MVB12B: variants seen among roughly 807,000 people sequenced by gnomAD.
MVB12B encodes the protein ESCRT-I complex subunit MVB12B.
In MVB12B, 16 loss-of-function variants were observed where a neutral mutation model predicts 41.6. The observed-to-expected ratio is 0.38, with a 90% CI of 0.26 to 0.58. The LOEUF is 0.58. Among genes scored for constraint, MVB12B ranks in the 20% least tolerant of loss-of-function variants. The pLI is 0.62. For synonymous variants in MVB12B, 133 were observed against 139.7 expected (o/e 0.95, Z 0.34); for missense variants, 274 against 380.2 (o/e 0.72, Z 2.32).
At chr9:126,409,043 C>T (rs1417844604) in intron 6 of MVB12B, among the ~76,000 whole-genome samples, 1 of 152,094 alleles carries the variant, frequency 6.6e-6, no homozygotes, top group Admixed American at 6.6e-5. Context: ...GGGACTGTTC[C>T]TTGAGCTTTG....
intron 7 of MVB12B, among the ~76,000 whole-genome samples, chr9:126,430,037 G>A (rs995947820): frequency 1.2e-4 from 18 of 152,158 alleles, no homozygotes; most frequent in African/African-American, 2.9e-4. Context: ...CCGTGGGCCC[G>A]GGCCTTCTGG....
chr9:126,375,697 A>C (rs1830464166), intron 2 of MVB12B, among the ~76,000 whole-genome samples: 1 of 152,130 alleles, frequency 6.6e-6, no homozygotes, highest in Non-Finnish European at 1.5e-5. Flanking sequence ...CCTGGGAGAT[A>C]AACTTTTTAA....
chr9:126,493,111 C>T (rs1403450326), intron 9 of MVB12B, among the ~76,000 whole-genome samples: 2 of 152,060 alleles, frequency 1.3e-5, no homozygotes, highest in African/African-American at 2.4e-5. Flanking sequence ...TCAAAATGTT[C>T]GTGGGCAATT....
intron 7 of MVB12B, among the ~76,000 whole-genome samples, chr9:126,454,994 G>A (rs1425039920): frequency 6.6e-6 from 1 of 151,994 alleles, no homozygotes; most frequent in Non-Finnish European, 1.5e-5. Flanking sequence ...GAGCGAGCAT[G>A]CACCATGATG....
intron 2 of MVB12B, among the ~76,000 whole-genome samples, chr9:126,347,262 C>T (rs377356232): frequency 3.9e-5 from 6 of 152,350 alleles, no homozygotes; most frequent in African/African-American, 1.4e-4. Flanking sequence ...TGTCCTGCCC[C>T]TGCACGCTGG....
intron 7 of MVB12B, among the ~76,000 whole-genome samples, chr9:126,441,437 A>G (rs1045249984): frequency 2.0e-5 from 3 of 152,236 alleles, no homozygotes; most frequent in Non-Finnish European, 1.5e-5. Context: ...TAAGACTAGC[A>G]TATTTATCTT....
At chr9:126,359,965 C>A (rs922266757) in intron 2 of MVB12B, among the ~76,000 whole-genome samples, 1 of 151,616 alleles carries the variant, frequency 6.6e-6, no homozygotes, top group Non-Finnish European at 1.5e-5. Context: ...AAAATTTTTT[C>A]TTCTGCTTAC....
chr9:126,463,818 AT>A (rs775786334), intron 7 of MVB12B, among the ~76,000 whole-genome samples: 37 of 151,894 alleles, frequency 2.4e-4, no homozygotes, highest in African/African-American at 7.0e-4. Flanking sequence ...ATTTTATACC[AT>A]TTTTTTTAAC....
At chr9:126,471,212 T>C (rs1041369146) in intron 7 of MVB12B, among the ~76,000 whole-genome samples, 3 of 152,224 alleles carry the variant, frequency 2.0e-5, no homozygotes, top group African/African-American at 7.2e-5. Flanking sequence ...AGGCTGTTCT[T>C]TCCTGTTGCT....
chr9:126,498,696 A>T (rs1440866812), intron 9 of MVB12B, among the ~76,000 whole-genome samples: 2 of 152,192 alleles, frequency 1.3e-5, no homozygotes, highest in African/African-American at 4.8e-5. Context: ...AGGAAGTCAG[A>T]TCCTTTCTTG....
In MVB12B at chr9:126,392,031, A is replaced by G; in HGVS notation, c.410-35A>G. The G allele has an allele frequency of 6.2e-7, 1 of 1,613,118 alleles. No individual in the cohort carries two copies. The highest frequency in any genetic ancestry group is 8.5e-7 in the Non-Finnish European group (1 of 1,179,200). ...AGAATAGAGATTCTGGTATCTCTGG[A>G]AAACTCATACCTTTTCTATTGTCCT... is the stretch of plus-strand genomic sequence containing the variant. On this transcript the variant is annotated intron_variant, in intron 4 of 9. Transcript: ENST00000361171. The surrounding 1 kb of genome is among the most constrained non-coding windows in gnomAD (Gnocchi z 4.8).
At chr9:126,365,188 G>C (rs1371943961) in intron 2 of MVB12B, among the ~76,000 whole-genome samples, 1 of 146,762 alleles carries the variant, frequency 6.8e-6, no homozygotes, top group African/African-American at 2.5e-5. Context: ...TGAGTAGCTG[G>C]GACTACAGGT....
At chr9:126,472,397 A>G (rs1032665455) in intron 7 of MVB12B, among the ~76,000 whole-genome samples, 10 of 151,914 alleles carry the variant, frequency 6.6e-5, no homozygotes, top group Admixed American at 5.2e-4. Flanking sequence ...TTTATGTCCA[A>G]ACAAATGCAG....
chr9:126,499,619 G>T (rs1195214138), intron 9 of MVB12B, among the ~76,000 whole-genome samples: 1 of 152,200 alleles, frequency 6.6e-6, no homozygotes, highest in Non-Finnish European at 1.5e-5. Flanking sequence ...CGGGAGGAGC[G>T]GGCAGGGACC....
In MVB12B at chr9:126,465,987, CAA is replaced by C. The variant is rs1833191607; in HGVS notation, c.758-15380_758-15379del. ...TTCTAAGGCAGCCAGTATAAAGATA[CAA>C]AGAGAGCAGTTTCTGGAGAAATCTA... On this transcript the variant is annotated intron_variant, in intron 7 of 9. Transcript: ENST00000361171. 3.3e-5 allele frequency among the ~76,000 whole-genome samples: 5 copies of C among 152,176 alleles called. No individual in the cohort carries two copies. The South Asian group carries it at 1.0e-3, about 31-fold the overall frequency.
intron 9 of MVB12B, among the ~76,000 whole-genome samples, chr9:126,501,454 G>A (rs909964525): frequency 1.3e-5 from 2 of 152,208 alleles, no homozygotes; most frequent in Admixed American, 1.3e-4. Flanking sequence ...CCTTCGGTTT[G>A]GGGGCCACAT....
intron 2 of MVB12B, among the ~76,000 whole-genome samples, chr9:126,368,082 G>C (rs1362899337): frequency 6.6e-6 from 1 of 152,214 alleles, no homozygotes; most frequent in Non-Finnish European, 1.5e-5. Flanking sequence ...AGTGGTTTCC[G>C]ATGCAACGCC....
chr9:126,482,780 G>A (rs984273401), intron 8 of MVB12B, among the ~76,000 whole-genome samples: 39 of 152,246 alleles, frequency 2.6e-4, no homozygotes, highest in Non-Finnish European at 7.3e-5. Context: ...TCGCCCTCGC[G>A]AATGTGCTGC....
At chr9:126,432,247 G>A (rs147558319) in intron 7 of MVB12B, among the ~76,000 whole-genome samples, 201 of 152,292 alleles carry the variant, frequency 1.3e-3, no homozygotes, top group African/African-American at 4.7e-3. Context: ...CAGCATAATT[G>A]TAGACCTGGC....
Sources: gnomAD v4.1 joint callset for allele counts (sites outside exome capture counted in the v4.1 genomes callset) on GRCh38, gnomAD v4.1.1 for gene constraint, Gnocchi (gnomAD v3.1) non-coding constraint, MANE v1.5 for transcripts, NCBI Gene and HGNC (gene_info 2026-07-23, HGNC 2026-07-21) for gene names.